NCOA1: variants seen among roughly 807,000 people sequenced by gnomAD.
NCOA1 encodes the protein nuclear receptor coactivator 1, also known as Hin-2 protein.
NCOA1 carries 35 observed loss-of-function variants against 150.9 expected under a neutral mutation model. The ratio of observed to expected loss-of-function variants is 0.23; its 90% CI spans 0.18 to 0.31. The LOEUF (loss-of-function observed/expected upper bound fraction) is 0.31. Ranked by LOEUF, NCOA1 falls within the 10% of genes least tolerant of loss-of-function variation. The pLI is 1.00. For missense variants in NCOA1, 1,491 were observed against 1,749.3 expected, an observed-to-expected ratio of 0.85 and a Z score of 2.63; for synonymous variants, 590 against 630.0, an observed-to-expected ratio of 0.94 and a Z score of 0.95.
rs141819813 is a variant in NCOA1, at chr2:24,743,685, A to G, written c.3706+1499A>G. Reference sequence around the variant, plus strand: ...AGCCTGTGGAAGTACTTCCTCCAACATTAGAAGACTTGTGTAGTCATCTGC... The same window carrying G: ...AGCCTGTGGAAGTACTTCCTCCAACGTTAGAAGACTTGTGTAGTCATCTGC... On this transcript the variant is annotated intron_variant, in intron 19 of 22. Transcript: ENST00000348332. Among the ~76,000 whole-genome samples, 3 of 152,314 alleles carry G rather than the reference A, an allele frequency of 2.0e-5. No homozygotes were observed. In the East Asian group the frequency reaches 5.8e-4, roughly 29 times the overall value.
At chr2:24,753,418 C>G (rs997282484) in intron 20 of NCOA1, among the ~76,000 whole-genome samples, 3 of 151,998 alleles carry the variant, frequency 2.0e-5, no homozygotes, top group Non-Finnish European at 2.9e-5. Context: ...TATTTCTCTG[C>G]TCCCCTTTAC....
chr2:24,735,345 G>A (rs1663242630), intron 17 of NCOA1, among the ~76,000 whole-genome samples: 1 of 151,924 alleles, frequency 6.6e-6, no homozygotes, highest in Admixed American at 6.6e-5. Context: ...CCATCTGTTC[G>A]CTTATTGGTC....
intron 3 of NCOA1, among the ~76,000 whole-genome samples, chr2:24,597,809 A>G (rs755012808): frequency 9.9e-5 from 15 of 152,128 alleles, no homozygotes; most frequent in African/African-American, 3.1e-4. Context: ...TTTAAGTTCT[A>G]GGGCACATGT....
chr2:24,630,257 A>C (rs550504553), intron 3 of NCOA1, among the ~76,000 whole-genome samples: 1 of 152,302 alleles, frequency 6.6e-6, no homozygotes, highest in South Asian at 2.1e-4. Flanking sequence ...AAAAGCTGTA[A>C]ATGGAGTTGA....
chr2:24,513,199 C>T (rs1419879174), intron 1 of NCOA1, among the ~76,000 whole-genome samples: 1 of 152,116 alleles, frequency 6.6e-6, no homozygotes, highest in African/African-American at 2.4e-5. Flanking sequence ...TAACATTTTG[C>T]CTTATTTCAG....
chr2:24,507,535 C>T (rs756423919), intron 1 of NCOA1, among the ~76,000 whole-genome samples: 14 of 147,282 alleles, frequency 9.5e-5, no homozygotes, highest in Admixed American at 5.6e-4. Flanking sequence ...ATTATCAAAT[C>T]AGGATATTTA....
intron 5 of NCOA1, 72 bp downstream of exon 5, chr2:24,658,838 GTTTA>G: frequency 7.4e-7 from 1 of 1,356,324 alleles, no homozygotes; most frequent in Non-Finnish European, 1.0e-6. Flanking sequence ...CAGAGCTTTT[GTTTA>G]ATCTACTCCA....
At chr2:24,684,164 G>A (rs1672298997) in intron 8 of NCOA1, among the ~76,000 whole-genome samples, 1 of 152,082 alleles carries the variant, frequency 6.6e-6, no homozygotes, top group Non-Finnish European at 1.5e-5. Context: ...TCTTTCCTTG[G>A]CCATGGACTG....
chr2:24,729,490 T>C lies in NCOA1; in HGVS notation c.2887-11T>C. ...TTTATTTGTAAAATATTCTGGCTTC[T>C]TTTCTAACAGGGGGGTGGATTAGAT... On this transcript the variant is annotated splice_polypyrimidine_tract_variant and intron_variant, in intron 16 of 22. Transcript: ENST00000348332. 3 of 1,604,110 alleles carry C rather than the reference T, an allele frequency of 1.9e-6. No homozygotes were observed. Among genetic ancestry groups the C allele is most frequent in the Non-Finnish European group, 2.6e-6 (3 of 1,173,172 alleles).
intron 7 of NCOA1, among the ~76,000 whole-genome samples, chr2:24,680,060 A>G (rs1672094282): frequency 6.6e-6 from 1 of 152,178 alleles, no homozygotes; most frequent in African/African-American, 2.4e-5. Flanking sequence ...CTGTTGGCAG[A>G]CACTTAGCTT....
chr2:24,698,312 A>G (rs1481662277), intron 11 of NCOA1, among the ~76,000 whole-genome samples: 3 of 152,154 alleles, frequency 2.0e-5, no homozygotes, highest in African/African-American at 7.2e-5. Flanking sequence ...CAGAACAAGC[A>G]TGTCAAAGGC....
At chr2:24,690,895 G>T (rs1572598236) in intron 8 of NCOA1, among the ~76,000 whole-genome samples, 1 of 152,182 alleles carries the variant, frequency 6.6e-6, no homozygotes, top group African/African-American at 2.4e-5. Flanking sequence ...CCAAGGTATT[G>T]TAGCATATGA....
chr2:24,658,920 C>G, intron 5 of NCOA1, 154 bp downstream of exon 5: 2 of 650,246 alleles, frequency 3.1e-6, no homozygotes, highest in South Asian at 3.9e-5. Context: ...GGTCTTTGCA[C>G]ATGTTTCTCC....
In NCOA1 at chr2:24,741,982, C is replaced by T; in HGVS notation, c.3502C>T (p.Pro1168Ser). 1 of 1,614,184 alleles carries T rather than the reference C, an allele frequency of 6.2e-7. No individual in the cohort carries two copies. The highest frequency in any genetic ancestry group is 8.5e-7 in the Non-Finnish European group (1 of 1,180,022). ...RLPQGAPQQF[P>S]YPPNYGTNPG... is the part of the protein sequence containing the mutation. ...TCCTCAGGGTGCTCCACAGCAATTCCCCTATCCACCAAACTATGGTACAAA... is the reference window on the plus strand; with the variant it reads ...TCCTCAGGGTGCTCCACAGCAATTCTCCTATCCACCAAACTATGGTACAAA... Residue 1168 changes from proline (P) to serine (S), a missense_variant, in exon 19 of 23, where the codon CCC becomes TCC. Physicochemically the swap from Pro to Ser is moderately conservative, Grantham distance 74 (BLOSUM62 -1). This residue lies in a region of NCOA1 where 485 missense variants were observed against 522.8 expected (regional missense o/e 0.93). Transcript: ENST00000348332.
intron 4 of NCOA1, among the ~76,000 whole-genome samples, chr2:24,648,294 G>A (rs904979687): frequency 1.1e-4 from 16 of 147,276 alleles, no homozygotes; most frequent in African/African-American, 4.0e-4. Flanking sequence ...TTTTTTTTGA[G>A]ACGGTGTCTC....
At position 24,564,330 on chromosome 2, in the gene NCOA1, ACT is replaced by A. The variant is rs1376195288; in HGVS notation, c.-357_-356del. ...ACTAATGGAAATGTAACTGGAACTG[ACT>A]CTGATGATAAAATCAAGGACCATCA... On this transcript the variant is annotated 5_prime_UTR_variant, in exon 2 of 23. Transcript: ENST00000348332. 4 of 152,150 alleles carry A rather than the reference ACT, an allele frequency of 2.6e-5. 1 individual carries two copies. Among genetic ancestry groups the A allele is most frequent in the Admixed American group, 2.6e-4 (4 of 15,274 alleles). The allele number at this position is 152,150 out of a possible 1,614,324, so 9.4% of individuals were successfully genotyped here. A position where few individuals can be genotyped will look rare whatever the true frequency, so the allele number is the denominator to read the frequency against.
At chr2:24,560,884 A>G (rs1666268400) in intron 1 of NCOA1, among the ~76,000 whole-genome samples, 1 of 152,188 alleles carries the variant, frequency 6.6e-6, no homozygotes, top group Admixed American at 6.5e-5. Context: ...ATCACACCAC[A>G]GAGGTTTCTG....
chr2:24,610,252 T>C (rs1039452865), intron 3 of NCOA1, among the ~76,000 whole-genome samples: 2 of 150,390 alleles, frequency 1.3e-5, no homozygotes, highest in Non-Finnish European at 3.0e-5. Context: ...GCCTCCCGAA[T>C]AGCTAGGACT....
At chr2:24,606,978 C>G (rs939633130) in intron 3 of NCOA1, among the ~76,000 whole-genome samples, 1 of 152,170 alleles carries the variant, frequency 6.6e-6, no homozygotes, top group African/African-American at 2.4e-5. Context: ...ACCCTCACTT[C>G]TTGTTCCATG....
Sources: gnomAD v4.1 joint callset for allele counts (sites outside exome capture counted in the v4.1 genomes callset) on GRCh38, gnomAD v4.1.1 for gene constraint, gnomAD v4.1.1 regional missense constraint, MANE v1.5 for transcripts, NCBI Gene and HGNC (gene_info 2026-07-23, HGNC 2026-07-21) for gene names.